Variants in KCNH1 observed in about 807,000 individuals in gnomAD.
KCNH1 encodes voltage-gated delayed rectifier potassium channel KCNH1.
A neutral mutation model predicts 69.2 loss-of-function variants in KCNH1; 27 were observed. The observed-to-expected ratio is 0.39, with a 90% CI of 0.29 to 0.54. KCNH1 has a LOEUF of 0.54. Among genes scored for constraint, KCNH1 ranks in the 20% least tolerant of loss-of-function variants. The pLI is 0.68. For synonymous variants in KCNH1, 456 were observed against 487.7 expected (o/e 0.93, Z 0.86); for missense variants, 798 against 1,261.6 (o/e 0.63, Z 5.57).
chr1:210,792,982 A>G (rs1405496044), intron 9 of KCNH1, among the ~76,000 whole-genome samples: 1 of 152,198 alleles, frequency 6.6e-6, no homozygotes, highest in African/African-American at 2.4e-5. Context: ...TGGATAGGGG[A>G]AAAATGGTAT....
chr1:211,089,077 G>C (rs990389459), intron 4 of KCNH1, among the ~76,000 whole-genome samples: 1 of 152,104 alleles, frequency 6.6e-6, no homozygotes, highest in Admixed American at 6.5e-5. Flanking sequence ...TGTTCCAGTA[G>C]TAATAAAAAC....
intron 10 of KCNH1, among the ~76,000 whole-genome samples, chr1:210,740,366 C>T (rs1472243547): frequency 6.6e-6 from 1 of 152,020 alleles, no homozygotes; most frequent in Non-Finnish European, 1.5e-5. Flanking sequence ...AGACTTTTAC[C>T]TTCTAACAAT....
intron 7 of KCNH1, among the ~76,000 whole-genome samples, chr1:210,913,164 T>C (rs1367741497): frequency 2.0e-5 from 3 of 152,136 alleles, no homozygotes; most frequent in Non-Finnish European, 4.4e-5. Context: ...GGCAGAACTT[T>C]TTTAAAAAAC....
chr1:210,901,911 G>GA (rs2102536710), intron 7 of KCNH1, among the ~76,000 whole-genome samples: 1 of 152,300 alleles, frequency 6.6e-6, no homozygotes, highest in East Asian at 1.9e-4. Flanking sequence ...CTTGACCTCT[G>GA]AAAACCACAC....
intron 7 of KCNH1, among the ~76,000 whole-genome samples, chr1:210,840,790 G>A (rs1685389931): frequency 6.6e-6 from 1 of 152,140 alleles, no homozygotes; most frequent in Non-Finnish European, 1.5e-5. Context: ...AGTCACCCAA[G>A]CTACCATTGC....
intron 6 of KCNH1, among the ~76,000 whole-genome samples, chr1:211,005,858 T>C (rs114364354): frequency 0.011 from 1,716 of 152,178 alleles, 35 homozygotes; most frequent in African/African-American, 0.039. Context: ...AGGGTTCATA[T>C]CCAGACTATA....
At chr1:210,998,901 T>C (rs1689108855) in intron 6 of KCNH1, among the ~76,000 whole-genome samples, 1 of 152,172 alleles carries the variant, frequency 6.6e-6, no homozygotes, top group Non-Finnish European at 1.5e-5. Flanking sequence ...AACAACCTGC[T>C]CCTGAATGAC....
intron 5 of KCNH1, among the ~76,000 whole-genome samples, chr1:211,034,637 A>G (rs1689860993): frequency 6.6e-6 from 1 of 152,242 alleles, no homozygotes; most frequent in South Asian, 2.1e-4. Context: ...GAATCTAGTT[A>G]TCTCAAAATA....
intron 1 of KCNH1, among the ~76,000 whole-genome samples, chr1:211,132,030 C>G (rs1382148989): frequency 3.3e-5 from 5 of 152,168 alleles, no homozygotes; most frequent in Non-Finnish European, 7.3e-5. Flanking sequence ...TCTTAAGGTT[C>G]CCTTAAAACC....
At chr1:210,993,166 T>G (rs1688965527) in intron 6 of KCNH1, among the ~76,000 whole-genome samples, 1 of 152,244 alleles carries the variant, frequency 6.6e-6, no homozygotes, top group African/African-American at 2.4e-5. Flanking sequence ...TGTACACTAT[T>G]TTAAGTTACT....
Position 210,799,332 on chromosome 1 carries a change from A to C in KCNH1, c.1663-1572T>G, listed in dbSNP as rs564557933. On this transcript the variant is annotated intron_variant, in intron 8 of 10. Transcript: ENST00000271751. ...CTGGGGTTTCAAACTAGGTAGCTTG[A>C]CATTAGAGCCTGGTTTAGATCCCAA... 2.4e-4 allele frequency among the ~76,000 whole-genome samples: 36 copies of C among 152,288 alleles called. 1 individual carries two copies. In the South Asian group the frequency reaches 7.5e-3, roughly 32 times the overall value.
intron 6 of KCNH1, among the ~76,000 whole-genome samples, chr1:210,982,219 C>CTTT (rs1332163631): frequency 8.9e-6 from 1 of 112,834 alleles, no homozygotes; most frequent in African/African-American, 4.0e-5. Context: ...TGCGAGAATA[C>CTTT]TTTTATTATT....
intron 6 of KCNH1, among the ~76,000 whole-genome samples, chr1:210,982,020 T>C (rs1265016984): frequency 6.6e-6 from 1 of 151,936 alleles, no homozygotes; most frequent in Non-Finnish European, 1.5e-5. Flanking sequence ...CCCAAAAACA[T>C]GGCTCAGGAA....
At chr1:211,049,055 G>T (rs899042204) in intron 5 of KCNH1, among the ~76,000 whole-genome samples, 2 of 151,934 alleles carry the variant, frequency 1.3e-5, no homozygotes, top group Non-Finnish European at 2.9e-5. Flanking sequence ...AAATAAAGTA[G>T]CCTCACAAAC....
At chr1:210,717,264 AACTG>A (rs1410905299) in intron 10 of KCNH1, among the ~76,000 whole-genome samples, 1 of 152,194 alleles carries the variant, frequency 6.6e-6, no homozygotes, top group African/African-American at 2.4e-5. Context: ...GAAAGCATAT[AACTG>A]ACTGGCAGTT....
chr1:210,696,979 C>T (rs1204176613), intron 10 of KCNH1, among the ~76,000 whole-genome samples: 1 of 152,236 alleles, frequency 6.6e-6, no homozygotes, highest in East Asian at 1.9e-4. Flanking sequence ...CATACCTTAT[C>T]TTCCAACTCT....
intron 10 of KCNH1, among the ~76,000 whole-genome samples, chr1:210,712,210 G>C (rs558109278): frequency 6.6e-6 from 1 of 152,218 alleles, no homozygotes; most frequent in African/African-American, 2.4e-5. Context: ...TGGTAATGCT[G>C]CACCAACCAT....
intron 10 of KCNH1, among the ~76,000 whole-genome samples, chr1:210,774,095 G>A (rs1397186619): frequency 3.3e-5 from 5 of 152,106 alleles, no homozygotes; most frequent in Non-Finnish European, 5.9e-5. Flanking sequence ...GGTTGAGTTC[G>A]GGGCTCAGGG....
chr1:211,070,291 G>A (rs762378290), intron 5 of KCNH1, among the ~76,000 whole-genome samples: 8 of 151,924 alleles, frequency 5.3e-5, no homozygotes, highest in East Asian at 2.0e-4. Context: ...AGTGGTGAGC[G>A]CCTGTAGTCC....
Sources: gnomAD v4.1 joint callset for allele counts (sites outside exome capture counted in the v4.1 genomes callset) on GRCh38, gnomAD v4.1.1 for gene constraint, MANE v1.5 for transcripts, NCBI Gene and HGNC (gene_info 2026-07-23, HGNC 2026-07-21) for gene names.